SZT2: variants seen among roughly 807,000 people sequenced by gnomAD.
The protein encoded by SZT2 is KICSTOR complex protein SZT2.
In SZT2, 216 loss-of-function variants were observed where a neutral mutation model predicts 404.2. The ratio of observed to expected loss-of-function variants is 0.53; its 90% confidence interval spans 0.48 to 0.60. SZT2 has a LOEUF of 0.60. Ranked by LOEUF, SZT2 falls within the 20% of genes least tolerant of loss-of-function variation. The probability of loss-of-function intolerance (pLI) is 0.00; values close to 1 mark genes in which losing one functional copy is unlikely to be tolerated. For missense variants in SZT2, 3,857 were observed against 4,459.2 expected, an observed-to-expected ratio of 0.86 and a Z score of 3.85; for synonymous variants, 1,693 against 1,749.9, an observed-to-expected ratio of 0.97 and a Z score of 0.81.
intron 59 of SZT2, 46 bp from the exon 60 acceptor site, chr1:43,443,142 G>A (rs1171628670): frequency 2.5e-6 from 4 of 1,613,590 alleles, no homozygotes; most frequent in African/African-American, 1.3e-5. Flanking sequence ...CTGGGAGGAA[G>A]GGAGTGACAA....
Position 43,439,122 on chromosome 1 carries a change from T to C in SZT2, c.6792+29T>C, listed in dbSNP as rs372559642. On this transcript the variant is annotated intron_variant, in intron 48 of 71. Coordinates refer to ENST00000634258, the MANE Select transcript of SZT2 (RefSeq NM_001365999.1). The surrounding 1 kb of genome is among the most constrained non-coding windows in gnomAD (Gnocchi z 4.2). The stretch of plus-strand genomic sequence containing the variant: ...AGATGGCACTCATCTCTCTCCACAC[T>C]CATGTGCACCCCTGCCCCCTGCCCC... The C allele has an allele frequency of 1.1e-5, 17 of 1,613,356 alleles. No individual in the cohort carries two copies. Among genetic ancestry groups the C allele is most frequent in the Non-Finnish European group, 1.2e-5 (14 of 1,179,662 alleles).
chr1:43,451,442 T>C lies in SZT2; in HGVS notation c.*962T>C, dbSNP rs1373224900. 1.9e-6 allele frequency: 3 copies of C among 1,613,712 alleles called. No individual in the cohort carries two copies. The highest frequency in any genetic ancestry group is 2.5e-6 in the Non-Finnish European group (3 of 1,180,036). Reference sequence around the variant, plus strand: ...CTGATACTCACAGCCCACGAAGCCTTTGTAGCCTTCATCTTCCAGCAGTTG... The same window carrying C: ...CTGATACTCACAGCCCACGAAGCCTCTGTAGCCTTCATCTTCCAGCAGTTG... On this transcript the variant is annotated 3_prime_UTR_variant, in exon 72 of 72. Transcript: ENST00000634258.
At chr1:43,433,370 C>T (rs1654129595) in intron 40 of SZT2, among the ~76,000 whole-genome samples, 180 bp downstream of exon 40, 1 of 152,226 alleles carries the variant, frequency 6.6e-6, no homozygotes, top group South Asian at 2.1e-4. Flanking sequence ...CAGCTAAGCA[C>T]ATCACATTCA....
chr1:43,404,456 C>T lies in SZT2; in HGVS notation c.404C>T (p.Pro135Leu), dbSNP rs893044157. ...LSRCLGGLLR[P>L]FRVPGSCIDF... Reference sequence around the variant, plus strand: ...CGCTGCTTAGGCGGGCTGCTTCGGCCCTTCCGAGTGCCTGGATCTTGCATC... The same window carrying T: ...CGCTGCTTAGGCGGGCTGCTTCGGCTCTTCCGAGTGCCTGGATCTTGCATC... The change falls in exon 4 of 72, where the codon CCC becomes CTC. Residue 135 changes from proline to leucine, a missense_variant. Pro to Leu is a moderately conservative substitution (Grantham distance 98). Transcript: ENST00000634258. The T allele has an allele frequency of 1.2e-6, 2 of 1,614,066 alleles. No homozygotes were observed. Among genetic ancestry groups the T allele is most frequent in the Middle Eastern group, 3.3e-4 (2 of 6,062 alleles).
Position 43,425,854 on chromosome 1 carries a change from C to T in SZT2, c.2834C>T (p.Ala945Val), listed in dbSNP as rs1653080734. ...IPQALHPRDA[A>V]CIGSMLSFEY... ...CTGTAGCTCCACCCACGGGATGCTG[C>T]CTGCATAGGCTCCATGCTGAGCTTT... Residue 945 changes from alanine to valine, a missense_variant, in exon 20 of 72, where the codon GCC (alanine) becomes GTC (valine). Physicochemically the swap from Ala to Val is moderately conservative, Grantham distance 64. Coordinates refer to ENST00000634258, the MANE Select transcript of SZT2 (RefSeq NM_001365999.1). The surrounding 1 kb of genome is among the most constrained non-coding windows in gnomAD (Gnocchi z 4.3). 2 of 1,613,912 alleles carry T rather than the reference C, an allele frequency of 1.2e-6. No individual in the cohort carries two copies. Among genetic ancestry groups the T allele is most frequent in the Non-Finnish European group, 1.7e-6 (2 of 1,179,994 alleles).
rs1651747523 is a variant in SZT2, at chr1:43,416,573, G to T, written c.811G>T (p.Asp271Tyr). 6.3e-7 allele frequency: 1 copy of T among 1,598,276 alleles called. No individual in the cohort carries two copies. The change falls in exon 7 of 72, where the codon GAT becomes TAT. Residue 271 changes from aspartate (D) to tyrosine (Y), a missense_variant. Coordinates refer to ENST00000634258, the MANE Select transcript of SZT2 (RefSeq NM_001365999.1). Reference protein sequence around the residue: ...VITDGVTSVPDVAVCETLLNQ... With the variant: ...VITDGVTSVPYVAVCETLLNQ... ...CACGGATGGGGTGACCAGTGTACCT[G>T]ATGTTGCTGTCTGTGAGACACTGCT...
chr1:43,407,674 TTA>T (rs1386485792), intron 4 of SZT2, among the ~76,000 whole-genome samples: 5 of 151,900 alleles, frequency 3.3e-5, no homozygotes, highest in African/African-American at 1.2e-4. Context: ...AAGAAAAAAG[TTA>T]ATTCACATAT....
Position 43,425,613 on chromosome 1 carries a change from G to A in SZT2, c.2785G>A (p.Asp929Asn), listed in dbSNP as rs541823517. The A allele has an allele frequency of 6.2e-6, 10 of 1,614,106 alleles. No individual in the cohort carries two copies. The East Asian group carries it at 2.0e-4, about 32-fold the overall frequency. The change falls in exon 19 of 72, where the codon GAC becomes AAC. Residue 929 changes from aspartate to asparagine, a missense_variant. Around this residue, in one of 7 missense-constraint regions of SZT2, gnomAD observed 1,725 missense variants for 1,881.0 expected, o/e 0.92. Coordinates refer to ENST00000634258, the MANE Select transcript of SZT2 (RefSeq NM_001365999.1). The surrounding 1 kb of genome is among the most constrained non-coding windows in gnomAD (Gnocchi z 4.3). ...PGPGIWKHLQ[D>N]LTYSEIPQAL... ...CCCTGGAATCTGGAAGCACCTCCAG[G>A]ACCTGACGTATTCTGAGATCCCGCA...
chr1:43,428,073 C>T lies in SZT2; in HGVS notation c.3874C>T (p.His1292Tyr), dbSNP rs775485710. ...MEPRYKEAANHCALLQEHAQR... is the reference protein window; with the variant it reads ...MEPRYKEAANYCALLQEHAQR... ...ACCCCGGTACAAGGAGGCAGCTAAC[C>T]ACTGTGCCCTGCTGCAGGAGCATGC... Residue 1292 changes from histidine to tyrosine, a missense_variant, in exon 27 of 72, where the codon CAC becomes TAC. By Grantham distance (83) the His-to-Tyr change is moderately conservative. Transcript: ENST00000634258. 6.2e-7 allele frequency: 1 copy of T among 1,614,220 alleles called. No individual in the cohort carries two copies. Among genetic ancestry groups the T allele is most frequent in the South Asian group, 1.1e-5 (1 of 91,084 alleles).
chr1:43,453,217 A>G lies in SZT2; in HGVS notation c.*2737A>G. 3.1e-6 allele frequency: 2 copies of G among 636,596 alleles called. No homozygotes were observed. Among genetic ancestry groups the G allele is most frequent in the East Asian group, 2.7e-5 (1 of 36,614 alleles). 39.4% of individuals were successfully genotyped at this position (636,596 alleles called of 1,614,324 possible). On this transcript the variant is annotated 3_prime_UTR_variant, in exon 72 of 72. Coordinates refer to ENST00000634258, the MANE Select transcript of SZT2 (RefSeq NM_001365999.1). ...ATGAAAGAGTGGCAAACAGAGTGGCATAAGACAGATAAAATACAAAAGGCA... is the reference window on the plus strand; with the variant it reads ...ATGAAAGAGTGGCAAACAGAGTGGCGTAAGACAGATAAAATACAAAAGGCA...
At position 43,439,699 on chromosome 1, in the gene SZT2, A is replaced by G. The variant is rs1212274260; in HGVS notation, c.6972A>G (p.Pro2324=). The G allele has an allele frequency of 1.2e-6, 2 of 1,612,166 alleles. No homozygotes were observed. Among genetic ancestry groups the G allele is most frequent in the Admixed American group, 3.4e-5 (2 of 59,674 alleles). The change falls in exon 50 of 72, where the codon CCA becomes CCG. Residue 2324 remains proline (P), a synonymous_variant. Coordinates refer to ENST00000634258, the MANE Select transcript of SZT2 (RefSeq NM_001365999.1). The surrounding 1 kb of genome is among the most constrained non-coding windows in gnomAD (Gnocchi z 4.2). The part of the protein sequence containing the change: ...WPPSSPGPPD[P]LREEEFEQLT... ...CCTCCTCTCCGGGGCCCCCAGACCC[A>G]CTGCGAGAGGAGGAATTTGAGCAAC...
Position 43,425,174 on chromosome 1 carries a change from T to G in SZT2, c.2612T>G (p.Leu871Arg). ...CACACCTGTGTTGTCCAGTACATCC[T>G]CTTCCCCCCACACTCTACCTCCACC... The part of the protein sequence containing the change: ...EKHTCVVQYI[L>R]FPPHSTSTKD... The change falls in exon 18 of 72, where the codon CTC (leucine) becomes CGC (arginine). Residue 871 changes from leucine to arginine, a missense_variant. Transcript: ENST00000634258. This position sits in a 1 kb window ranked among gnomAD's most constrained non-coding sequence, Gnocchi z 4.3. The G allele has an allele frequency of 6.2e-7, 1 of 1,614,164 alleles. No homozygotes were observed. The highest frequency in any genetic ancestry group is 8.5e-7 in the Non-Finnish European group (1 of 1,180,004).
Position 43,452,433 on chromosome 1 carries a change from A to G in SZT2, c.*1953A>G. The G allele has an allele frequency of 1.2e-6, 1 of 819,720 alleles. No homozygotes were observed. Among genetic ancestry groups the G allele is most frequent in the South Asian group, 1.4e-5 (1 of 69,076 alleles). 50.8% of individuals were successfully genotyped at this position (819,720 alleles called of 1,614,324 possible). ...TCTCCCCAGGTCTCCAGTCCATGGC[A>G]CCTGGGTCACGATGCCCAGGTATCC... On this transcript the variant is annotated 3_prime_UTR_variant, in exon 72 of 72. Coordinates refer to ENST00000634258, the MANE Select transcript of SZT2 (RefSeq NM_001365999.1).
Position 43,454,043 on chromosome 1 carries a change from G to T in SZT2, c.*3563G>T, listed in dbSNP as rs1162158150. The T allele has an allele frequency of 1.7e-6, 2 of 1,150,196 alleles. No individual in the cohort carries two copies. The highest frequency in any genetic ancestry group is 2.1e-6 in the Non-Finnish European group (2 of 936,740). 71.2% of individuals were successfully genotyped at this position (1,150,196 alleles called of 1,614,324 possible). A position where few individuals can be genotyped will look rare whatever the true frequency, so the allele number is the denominator to read the frequency against. ...CGGCCGGAAAAGGAGCAGGACCCGC[G>T]CCTGGAGAAGGTAGGGAGGCCGAGC... On this transcript the variant is annotated 3_prime_UTR_variant, in exon 72 of 72. Transcript: ENST00000634258.
rs1378179415 is a variant in SZT2 at position 43,442,515 on chromosome 1, A to G, written c.8048A>G (p.Gln2683Arg). 4 of 1,614,074 alleles carry G rather than the reference A, an allele frequency of 2.5e-6. No homozygotes were observed. ...GGCCGAGCGCTGGTTCGCCTGGTGC[A>G]GTGGCAGAATGCACGAGCCCATCTC... is the stretch of plus-strand genomic sequence containing the variant. ...ALGRALVRLV[Q>R]WQNARAHLIF... Residue 2683 changes from glutamine (Q) to arginine (R), a missense_variant, in exon 58 of 72, where the codon CAG (glutamine) becomes CGG (arginine). Gln to Arg is a conservative substitution (Grantham distance 43). This residue lies in a region of SZT2 where 573 missense variants were observed against 592.4 expected (regional missense o/e 0.97). Coordinates refer to ENST00000634258, the MANE Select transcript of SZT2 (RefSeq NM_001365999.1). This position sits in a 1 kb window ranked among gnomAD's most constrained non-coding sequence, Gnocchi z 4.5.
chr1:43,399,722 A>G (rs530396616), intron 1 of SZT2, among the ~76,000 whole-genome samples: 59 of 151,778 alleles, frequency 3.9e-4, no homozygotes, highest in African/African-American at 1.4e-3. Context: ...TGGCCTCCCA[A>G]AGTGCTGGGA....
chr1:43,448,400 A>G lies in SZT2; in HGVS notation c.9885A>G (p.Leu3295=). The G allele has an allele frequency of 6.3e-7, 1 of 1,578,616 alleles. No individual in the cohort carries two copies. Among genetic ancestry groups the G allele is most frequent in the Non-Finnish European group, 8.6e-7 (1 of 1,162,272 alleles). Residue 3295 remains leucine, a synonymous_variant, in exon 69 of 72, where the codon CTA becomes CTG. Transcript: ENST00000634258. This position sits in a 1 kb window ranked among gnomAD's most constrained non-coding sequence, Gnocchi z 4.2. ...LEPPGPDRLR[L]GGRLALAELE... is the part of the protein sequence containing the mutation. Reference sequence around the variant, plus strand: ...CACCGGGGCCTGATCGACTGCGGCTAGGGGGGCGCCTGGCCCTGGCAGAGC... The same window carrying G: ...CACCGGGGCCTGATCGACTGCGGCTGGGGGGGCGCCTGGCCCTGGCAGAGC...
chr1:43,420,206 G>A lies in SZT2; in HGVS notation c.1144G>A (p.Ala382Thr), dbSNP rs770298028. ...EHLVSASSNP[A>T]LALRRKKHTE... ...CCTGGTCTCTGCAAGCAGCAACCCT[G>A]CCCTGGCCTTGCGCCGGAAGAAGCA... The change falls in exon 9 of 72, where the codon GCC (alanine) becomes ACC (threonine). Residue 382 changes from alanine to threonine, a missense_variant. This residue lies in a region of SZT2 where 536 missense variants were observed against 637.4 expected (regional missense o/e 0.84). Coordinates refer to ENST00000634258, the MANE Select transcript of SZT2 (RefSeq NM_001365999.1). This position sits in a 1 kb window ranked among gnomAD's most constrained non-coding sequence, Gnocchi z 5.1. 2.5e-6 allele frequency: 4 copies of A among 1,598,440 alleles called. No individual in the cohort carries two copies. The highest frequency in any genetic ancestry group is 3.4e-6 in the Non-Finnish European group (4 of 1,179,816).
rs760404275 is a variant in SZT2, at chr1:43,451,564, A to C, written c.*1084A>C. 2.5e-6 allele frequency: 4 copies of C among 1,613,400 alleles called. No individual in the cohort carries two copies. The highest frequency in any genetic ancestry group is 3.4e-6 in the Non-Finnish European group (4 of 1,179,544). ...CATGCCCTGGGGACAGATGTGGACA[A>C]ATGTGGGGTCCAGGCTCCTGCCAGG... On this transcript the variant is annotated 3_prime_UTR_variant, in exon 72 of 72. Transcript: ENST00000634258.
Sources: gnomAD v4.1 joint callset for allele counts (sites outside exome capture counted in the v4.1 genomes callset) on GRCh38, gnomAD v4.1.1 for gene constraint, gnomAD v4.1.1 regional missense constraint, Gnocchi (gnomAD v3.1) non-coding constraint, MANE v1.5 for transcripts, NCBI Gene and HGNC (gene_info 2026-07-23, HGNC 2026-07-21) for gene names.